Variants in TUB observed in about 807,000 individuals in gnomAD.
The protein encoded by TUB is tubby protein homolog.
TUB carries 33 observed loss-of-function variants against 59.7 expected under a neutral mutation model. The ratio of observed to expected loss-of-function variants is 0.55; its 90% CI spans 0.42 to 0.74. The LOEUF (loss-of-function observed/expected upper bound fraction) is 0.74. Among genes scored for constraint, TUB ranks in the 30% least tolerant of loss-of-function variants. The pLI, the probability that TUB is intolerant of heterozygous loss-of-function variation, is 0.00. For missense variants in TUB, 659 were observed against 672.0 expected, an observed-to-expected ratio of 0.98 and a Z score of 0.21; for synonymous variants, 293 against 256.4, an observed-to-expected ratio of 1.14 and a Z score of -1.36.
chr11:8,028,619 C>T (rs999015794), intron 1 of TUB, among the ~76,000 whole-genome samples: 52 of 152,142 alleles, frequency 3.4e-4, no homozygotes, highest in African/African-American at 1.2e-3. Context: ...AGTTGTGGTC[C>T]AATTTCATTC....
Position 8,090,240 on chromosome 11 carries a change from T to A in TUB, c.253+9T>A. On this transcript the variant is annotated intron_variant, in intron 3 of 11. Coordinates refer to ENST00000299506, the MANE Select transcript of TUB (RefSeq NM_177972.3). ...CAGCACCAGCTACCAAGGTATACCT[T>A]GCCTGCTGCCCCACATCCCGTCACT... The A allele has an allele frequency of 6.2e-7, 1 of 1,612,586 alleles. No individual in the cohort carries two copies.
chr11:8,027,206 A>C (rs1468944736), intron 1 of TUB, among the ~76,000 whole-genome samples: 1 of 152,182 alleles, frequency 6.6e-6, no homozygotes, highest in African/African-American at 2.4e-5. Context: ...CATCACCACT[A>C]TCTATTTTCA....
intron 1 of TUB, 63 bp from the exon 2 acceptor site, chr11:8,089,547 C>T (rs1218169228): frequency 1.3e-6 from 2 of 1,594,530 alleles, no homozygotes; most frequent in African/African-American, 2.9e-5. Flanking sequence ...TGGGGGTGGG[C>T]TCTGGGCTGT....
At chr11:8,038,977 C>T (rs752477350) in exon 1 of TUB, 5 of 1,613,914 alleles carry the variant, frequency 3.1e-6, no homozygotes, top group Non-Finnish European at 3.4e-6. Context: ...TCTCAGCATT[C>T]AAAGCAGCAC....
intron 2 of TUB, among the ~76,000 whole-genome samples, chr11:8,074,181 C>T (rs1253186854): frequency 6.6e-6 from 1 of 151,504 alleles, no homozygotes; most frequent in Non-Finnish European, 1.5e-5. Flanking sequence ...GGGATGTTGT[C>T]TGCACTGTTC....
At chr11:8,039,703 G>T in intron 2 of TUB, 1 of 1,527,588 alleles carries the variant, frequency 6.5e-7, no homozygotes. Context: ...GTGAGCTGGA[G>T]GGGAGGAGGG....
chr11:8,082,085 C>T (rs531192064), intron 1 of TUB, among the ~76,000 whole-genome samples: 43 of 152,344 alleles, frequency 2.8e-4, no homozygotes, highest in African/African-American at 7.9e-4. Context: ...CTCACAAAGA[C>T]ACATGCCTGC....
intron 1 of TUB, among the ~76,000 whole-genome samples, chr11:8,021,047 A>C (rs1162731994): frequency 1.3e-5 from 2 of 152,252 alleles, no homozygotes; most frequent in Non-Finnish European, 2.9e-5. Flanking sequence ...AAGCAAACCT[A>C]TAAAAGCAGA....
intron 2 of TUB, chr11:8,068,313 A>G (rs1386929041): frequency 7.2e-5 from 11 of 152,260 alleles, no homozygotes; most frequent in Non-Finnish European, 1.6e-4. Flanking sequence ...GCCCTGGGCT[A>G]TTGAAGAGCC....
chr11:8,100,902 T>A lies in TUB; in HGVS notation c.1292T>A (p.Val431Asp), dbSNP rs142974744. The A allele has an allele frequency of 2.5e-6, 4 of 1,614,044 alleles. No individual in the cohort carries two copies. Among genetic ancestry groups the A allele is most frequent in the Non-Finnish European group, 3.4e-6 (4 of 1,180,032 alleles). The change falls in exon 11 of 12, where the codon GTC becomes GAC. Residue 431 changes from valine to aspartate, a missense_variant. Physicochemically the swap from Val to Asp is radical, Grantham distance 152 (BLOSUM62 -3). Transcript: ENST00000299506. The part of the protein sequence containing the change: ...SIIELQNKTP[V>D]WNDDTQSYVL... The stretch of plus-strand genomic sequence containing the variant: ...ATCGAGCTGCAAAACAAGACACCTG[T>A]CTGGAATGATGACACACAGTCCTAT...
intron 2 of TUB, among the ~76,000 whole-genome samples, chr11:8,051,969 T>C (rs752166908): frequency 6.6e-6 from 1 of 152,262 alleles, no homozygotes; most frequent in Non-Finnish European, 1.5e-5. Context: ...GCCATCTTTA[T>C]TGTAAACCAA....
chr11:8,049,412 C>A (rs958188235), intron 2 of TUB, among the ~76,000 whole-genome samples: 2 of 152,070 alleles, frequency 1.3e-5, no homozygotes, highest in African/African-American at 4.8e-5. Flanking sequence ...TTAAATAGAT[C>A]TCCAGGTGAT....
chr11:8,039,713 G>T, intron 2 of TUB: 1 of 1,510,990 alleles, frequency 6.6e-7, no homozygotes, highest in South Asian at 1.3e-5. Context: ...GGGGAGGAGG[G>T]CGTGCCGGCC....
chr11:8,026,994 A>T (rs1177652733), intron 1 of TUB, among the ~76,000 whole-genome samples: 1 of 152,194 alleles, frequency 6.6e-6, no homozygotes, highest in African/African-American at 2.4e-5. Context: ...CTTTTGTAAG[A>T]TGTATCCCTA....
upstream of TUB, among the ~76,000 whole-genome samples, chr11:8,079,623 C>A (rs909806679): frequency 6.6e-6 from 1 of 151,990 alleles, no homozygotes. Flanking sequence ...CTGTCCTGAG[C>A]TCCAGAAGCC....
Position 8,096,703 on chromosome 11 carries a change from G to C in TUB, c.584G>C (p.Ser195Thr). Residue 195 changes from serine (S) to threonine (T), a missense_variant, in exon 6 of 12, where the codon AGC becomes ACC. Physicochemically the swap from Ser to Thr is moderately conservative, Grantham distance 58. Around this residue, in one of 3 missense-constraint regions of TUB, gnomAD observed 321 missense variants for 304.3 expected, o/e 1.05. Coordinates refer to ENST00000299506, the MANE Select transcript of TUB (RefSeq NM_177972.3). ...MQRKGISSSM[S>T]FDEDEEDEEE... ...GGCCCAGGCATCTCCAGCAGCATGA[G>C]CTTTGACGAGGATGAGGAGGATGAG... 1 of 1,611,568 alleles carries C rather than the reference G, an allele frequency of 6.2e-7. No homozygotes were observed. Among genetic ancestry groups the C allele is most frequent in the South Asian group, 1.1e-5 (1 of 91,040 alleles).
chr11:8,065,679 G>A (rs1943225996), intron 2 of TUB, among the ~76,000 whole-genome samples: 1 of 152,186 alleles, frequency 6.6e-6, no homozygotes, highest in Admixed American at 6.5e-5. Flanking sequence ...GAGGGTAAAG[G>A]AAGGGGCAGC....
intron 2 of TUB, among the ~76,000 whole-genome samples, chr11:8,054,424 G>A (rs1942983417): frequency 1.3e-5 from 2 of 152,068 alleles, no homozygotes; most frequent in Non-Finnish European, 2.9e-5. Context: ...CCCCTCCTTG[G>A]GCCTGGCAGG....
At chr11:8,092,645 A>G (rs931474402) in intron 3 of TUB, among the ~76,000 whole-genome samples, 16 of 152,108 alleles carry the variant, frequency 1.1e-4, no homozygotes, top group Admixed American at 7.9e-4. Flanking sequence ...CACAGAGGAC[A>G]TTTGAACATG....
Sources: gnomAD v4.1 joint callset for allele counts (sites outside exome capture counted in the v4.1 genomes callset) on GRCh38, gnomAD v4.1.1 for gene constraint, gnomAD v4.1.1 regional missense constraint, MANE v1.5 for transcripts, NCBI Gene and HGNC (gene_info 2026-07-23, HGNC 2026-07-21) for gene names.